ZBTB11: variants seen among roughly 807,000 people sequenced by gnomAD.
The protein encoded by ZBTB11 is zinc finger and BTB domain-containing protein 11.
A neutral mutation model predicts 113.1 loss-of-function variants in ZBTB11; 68 were observed. The observed-to-expected ratio is 0.60, with a 90% CI of 0.49 to 0.74. The LOEUF is 0.74. ZBTB11 is among the 30% of genes least tolerant of loss of function. The pLI is 0.00. For missense variants in ZBTB11, 1,104 were observed against 1,279.4 expected, an observed-to-expected ratio of 0.86 and a Z score of 2.09; for synonymous variants, 518 against 452.6, an observed-to-expected ratio of 1.14 and a Z score of -1.83.
At chr3:101,668,141 T>TAAAA (rs35687057) in intron 3 of ZBTB11, among the ~76,000 whole-genome samples, 1 of 146,838 alleles carries the variant, frequency 6.8e-6, no homozygotes. Flanking sequence ...ATGGGGGAGC[T>TAAAA]AAAAAAAAAA....
At chr3:101,653,916 G>A (rs998429743) in intron 8 of ZBTB11, among the ~76,000 whole-genome samples, 1 of 152,168 alleles carries the variant, frequency 6.6e-6, no homozygotes, top group African/African-American at 2.4e-5. Context: ...TAAGAGACAG[G>A]GTCTTGCTAT....
chr3:101,661,322 C>G (rs1050598766), intron 5 of ZBTB11, among the ~76,000 whole-genome samples: 1 of 151,908 alleles, frequency 6.6e-6, no homozygotes, highest in Non-Finnish European at 1.5e-5. Context: ...ATCCCCTTCA[C>G]TATTGTCTTG....
At position 101,676,885 on chromosome 3, in the gene ZBTB11, G is replaced by A. The variant is rs1461632125; in HGVS notation, c.30C>T (p.Ile10=). The change falls in exon 1 of 11, where the codon ATC becomes ATT. Residue 10 remains isoleucine, a synonymous_variant. Coordinates refer to ENST00000312938, the MANE Select transcript of ZBTB11 (RefSeq NM_014415.4). ...CGCGCTCGTTCGTCAGGTAACGCAG[G>A]ATGGCCCGGTAGCTTTCCTCGCTTG... MSSEESYRA[I]LRYLTNEREP... The A allele has an allele frequency of 6.3e-7, 1 of 1,597,442 alleles. No homozygotes were observed. Among genetic ancestry groups the A allele is most frequent in the Non-Finnish European group, 8.5e-7 (1 of 1,169,998 alleles).
intron 3 of ZBTB11, among the ~76,000 whole-genome samples, chr3:101,669,705 A>C (rs1015285476): frequency 6.6e-6 from 1 of 152,228 alleles, no homozygotes; most frequent in African/African-American, 2.4e-5. Context: ...CTAATCTAGA[A>C]TGTAATGCCA....
At chr3:101,672,607 T>A (rs567019459) in intron 1 of ZBTB11, among the ~76,000 whole-genome samples, 2 of 152,214 alleles carry the variant, frequency 1.3e-5, no homozygotes, top group Non-Finnish European at 2.9e-5. Flanking sequence ...TCCCAGCTAC[T>A]CTGGAGGCTG....
In ZBTB11 at chr3:101,659,859, C is replaced by T; in HGVS notation, c.1970G>A (p.Gly657Glu). 6.2e-7 allele frequency: 1 copy of T among 1,614,162 alleles called. No homozygotes were observed. The highest frequency in any genetic ancestry group is 1.1e-5 in the South Asian group (1 of 91,082). Reference protein sequence around the residue: ...TKREFICSICGRTLPKLYSLR... With the variant: ...TKREFICSICERTLPKLYSLR... ...AGAATATAATTTAGGTAATGTTCTT[C>T]CACATATGGAACATATAAATTCCCG... Residue 657 changes from glycine to glutamate, a missense_variant, in exon 6 of 11, where the codon GGA becomes GAA. Transcript: ENST00000312938.
chr3:101,676,966 G>T lies in ZBTB11; in HGVS notation c.-52C>A. ...CTGTCAGGGACAGGTGAGGAAAACG[G>T]CCCGCTACCTACGGGCGGCTGCAGG... On this transcript the variant is annotated 5_prime_UTR_variant, in exon 1 of 11. Coordinates refer to ENST00000312938, the MANE Select transcript of ZBTB11 (RefSeq NM_014415.4). 1 of 1,494,668 alleles carries T rather than the reference G, an allele frequency of 6.7e-7. No individual in the cohort carries two copies. The highest frequency in any genetic ancestry group is 8.9e-7 in the Non-Finnish European group (1 of 1,122,036). 92.6% of individuals were successfully genotyped at this position (1,494,668 alleles called of 1,614,324 possible). A position where few individuals can be genotyped will look rare whatever the true frequency, so the allele number is the denominator to read the frequency against.
At chr3:101,656,753 ACT>A (rs565710773) in intron 6 of ZBTB11, among the ~76,000 whole-genome samples, 756 of 152,152 alleles carry the variant, frequency 5.0e-3, no homozygotes, top group Non-Finnish European at 8.1e-3. Context: ...CTACATGCTT[ACT>A]CTCTATTTCT....
intron 5 of ZBTB11, among the ~76,000 whole-genome samples, chr3:101,662,423 G>A (rs1936906856): frequency 6.6e-6 from 1 of 152,116 alleles, no homozygotes; most frequent in Admixed American, 6.5e-5. Context: ...TCAGGAGTTC[G>A]AGACCAGCCT....
chr3:101,670,069 C>A (rs1937063880), intron 3 of ZBTB11, among the ~76,000 whole-genome samples: 2 of 152,154 alleles, frequency 1.3e-5, no homozygotes, highest in South Asian at 4.2e-4. Flanking sequence ...CTCAGGTGAT[C>A]CGCCTGCCTC....
intron 1 of ZBTB11, 65 bp from the exon 2 acceptor site, chr3:101,672,278 G>T: frequency 8.7e-7 from 1 of 1,152,406 alleles, no homozygotes; most frequent in Non-Finnish European, 1.2e-6. Flanking sequence ...ATATTATTTA[G>T]TCTGTGCACA....
chr3:101,668,819 T>C (rs1268195398), intron 3 of ZBTB11, among the ~76,000 whole-genome samples: 1 of 152,078 alleles, frequency 6.6e-6, no homozygotes, highest in South Asian at 2.1e-4. Flanking sequence ...CGAGCCTCTC[T>C]GAGCCTATTC....
rs866817361 is a variant in ZBTB11 at position 101,650,203 on chromosome 3, G to A, written c.*963C>T. Reference sequence around the variant, plus strand: ...TGGTATCCACAGAGCTGCTGTGAATGTCTATATTGCTATCTGATTTCTCAA... The same window carrying A: ...TGGTATCCACAGAGCTGCTGTGAATATCTATATTGCTATCTGATTTCTCAA... On this transcript the variant is annotated 3_prime_UTR_variant, in exon 11 of 11. Coordinates refer to ENST00000312938, the MANE Select transcript of ZBTB11 (RefSeq NM_014415.4). The A allele has an allele frequency of 1.3e-5, 2 of 152,156 alleles. No individual in the cohort carries two copies. Among genetic ancestry groups the A allele is most frequent in the African/African-American group, 2.4e-5 (1 of 41,450 alleles). 9.4% of individuals were successfully genotyped at this position (152,156 alleles called of 1,614,324 possible). A position where few individuals can be genotyped will look rare whatever the true frequency, so the allele number is the denominator to read the frequency against.
intron 1 of ZBTB11, among the ~76,000 whole-genome samples, chr3:101,675,169 G>A (rs1004179608): frequency 2.0e-5 from 3 of 152,202 alleles, no homozygotes; most frequent in Non-Finnish European, 2.9e-5. Flanking sequence ...GTTACCTATA[G>A]TTACAATTAT....
chr3:101,651,685 T>TTA lies in ZBTB11; in HGVS notation c.2645-3_2645-2insTA. ...TTAAGCACTCAAATGGCTTAACTCC[T>TTA]AAAAAAAAAAAAAAAAAAGCATGTG... On this transcript the variant is annotated splice_region_variant and splice_polypyrimidine_tract_variant and intron_variant, in intron 10 of 10. Coordinates refer to ENST00000312938, the MANE Select transcript of ZBTB11 (RefSeq NM_014415.4). 1.5e-6 allele frequency: 2 copies of TTA among 1,349,922 alleles called. No homozygotes were observed. Among genetic ancestry groups the TTA allele is most frequent in the Non-Finnish European group, 1.9e-6 (2 of 1,048,372 alleles). The allele number at this position is 1,349,922 out of a possible 1,614,324, so 83.6% of individuals were successfully genotyped here. A position where few individuals can be genotyped will look rare whatever the true frequency, so the allele number is the denominator to read the frequency against.
intron 2 of ZBTB11, 170 bp downstream of exon 2, chr3:101,671,808 G>C (rs1408830842): frequency 1.6e-6 from 1 of 618,838 alleles, no homozygotes; most frequent in African/African-American, 1.8e-5. Flanking sequence ...AAAAATAACA[G>C]GAACATTTAT....
chr3:101,676,715 T>C lies in ZBTB11; in HGVS notation c.200A>G (p.Gln67Arg). The C allele has an allele frequency of 6.3e-7, 1 of 1,598,740 alleles. No homozygotes were observed. The highest frequency in any genetic ancestry group is 8.5e-7 in the Non-Finnish European group (1 of 1,172,438). Residue 67 changes from glutamine (Q) to arginine (R), a missense_variant, in exon 1 of 11, where the codon CAG (glutamine) becomes CGG (arginine). Around this residue, in one of 5 missense-constraint regions of ZBTB11, gnomAD observed 245 missense variants for 272.5 expected, o/e 0.90. Transcript: ENST00000312938. ...GATGAGGTCCCGGCGTCGCTCCGGC[T>C]GCAGCACCACCTCCAGCTCCGCGAA... ...KTFAELEVVLQPERRRDLIEA... is the reference protein window; with the variant it reads ...KTFAELEVVLRPERRRDLIEA...
chr3:101,653,895 C>T (rs1358128700), intron 8 of ZBTB11, among the ~76,000 whole-genome samples: 3 of 152,154 alleles, frequency 2.0e-5, no homozygotes, highest in African/African-American at 7.2e-5. Flanking sequence ...AGCTTCCTGG[C>T]TTTTGTTTCC....
At position 101,677,037 on chromosome 3, in the gene ZBTB11, C is replaced by T. The variant is rs1482325161; in HGVS notation, c.-123G>A. On this transcript the variant is annotated 5_prime_UTR_variant, in exon 1 of 11. Transcript: ENST00000312938. ...GAGAAACGGCTGCGCCTTTGGCGAG[C>T]GCTCTTCGACGGCTCCCTTAGTCCG... 2 of 1,092,494 alleles carry T rather than the reference C, an allele frequency of 1.8e-6. No individual in the cohort carries two copies. The highest frequency in any genetic ancestry group is 2.5e-6 in the Non-Finnish European group (2 of 792,496). The allele number at this position is 1,092,494 out of a possible 1,614,324, so 67.7% of individuals were successfully genotyped here. A position where few individuals can be genotyped will look rare whatever the true frequency, so the allele number is the denominator to read the frequency against.
Sources: allele counts gnomAD v4.1 joint callset (sites outside exome capture counted in the v4.1 genomes callset), GRCh38; gene constraint gnomAD v4.1.1; regional missense constraint gnomAD v4.1.1; transcripts MANE v1.5; gene names NCBI Gene and HGNC (gene_info 2026-07-23, HGNC 2026-07-21).